ATRNL1: variants seen among roughly 807,000 people sequenced by gnomAD.
ATRNL1 encodes the protein attractin-like protein 1.
A neutral mutation model predicts 182.7 loss-of-function variants in ATRNL1; 95 were observed. The ratio of observed to expected loss-of-function variants is 0.52; its 90% CI spans 0.44 to 0.62. The LOEUF is 0.62. Among genes scored for constraint, ATRNL1 ranks in the 20% least tolerant of loss-of-function variants. The pLI is 0.00. For synonymous variants in ATRNL1, 576 were observed against 568.3 expected (o/e 1.01, Z -0.19); for missense variants, 1,471 against 1,679.5 (o/e 0.88, Z 2.17).
chr10:115,523,176 C>G (rs1274994235), intron 25 of ATRNL1, among the ~76,000 whole-genome samples: 1 of 152,188 alleles, frequency 6.6e-6, no homozygotes, highest in Non-Finnish European at 1.5e-5. Context: ...GCAGTAGGCA[C>G]AATACCTGGG....
chr10:115,924,789 T>G (rs190322680), intron 28 of ATRNL1, among the ~76,000 whole-genome samples: 57 of 152,332 alleles, frequency 3.7e-4, no homozygotes, highest in Admixed American at 8.5e-4. Context: ...TGTGAAAATG[T>G]CAATGGTAGT....
At chr10:115,451,793 A>G (rs183107614) in intron 21 of ATRNL1, among the ~76,000 whole-genome samples, 10 of 152,292 alleles carry the variant, frequency 6.6e-5, no homozygotes, top group Middle Eastern at 3.4e-3. Context: ...TCATTCTACC[A>G]TAAAGACACG....
intron 21 of ATRNL1, among the ~76,000 whole-genome samples, chr10:115,443,879 T>G (rs659351): frequency 0.37 from 56,090 of 151,894 alleles, 11,659 homozygotes; most frequent in African/African-American, 0.57. Context: ...AGCTTCTGAA[T>G]TCTCTATGCC....
chr10:115,265,141 C>T lies in ATRNL1; in HGVS notation c.1688-52C>T, dbSNP rs531564533. On this transcript the variant is annotated intron_variant, in intron 10 of 28. Transcript: ENST00000355044. ...CCAATGATGTTTTCATATTATTTGT[C>T]TTAGTTTATTCTTTTATTTCATTTT... The T allele has an allele frequency of 3.8e-5, 44 of 1,171,036 alleles. No homozygotes were observed. In the Admixed American group the frequency reaches 5.2e-4, roughly 14 times the overall value. The allele number at this position is 1,171,036 out of a possible 1,614,324, so 72.5% of individuals were successfully genotyped here.
intron 27 of ATRNL1, among the ~76,000 whole-genome samples, chr10:115,832,575 A>G (rs1321530952): frequency 6.6e-6 from 1 of 152,220 alleles, no homozygotes; most frequent in Non-Finnish European, 1.5e-5. Flanking sequence ...CATTACTTCC[A>G]GATGCTAGTA....
At chr10:115,506,496 G>A (rs936539597) in intron 24 of ATRNL1, among the ~76,000 whole-genome samples, 11 of 152,040 alleles carry the variant, frequency 7.2e-5, no homozygotes, top group Non-Finnish European at 1.3e-4. Context: ...GCTGAAGACC[G>A]TACTCTACCA....
At chr10:115,491,772 C>T (rs531626668) in intron 24 of ATRNL1, among the ~76,000 whole-genome samples, 1 of 152,116 alleles carries the variant, frequency 6.6e-6, no homozygotes, top group African/African-American at 2.4e-5. Context: ...TCCTGGCTGG[C>T]GTTCCAGGTG....
chr10:115,258,285 A>G (rs188337429), intron 10 of ATRNL1, among the ~76,000 whole-genome samples: 3 of 152,116 alleles, frequency 2.0e-5, no homozygotes, highest in Non-Finnish European at 4.4e-5. Flanking sequence ...ACATAGTCCC[A>G]TATTTCTTGG....
chr10:115,536,458 G>A (rs548161380), intron 25 of ATRNL1, among the ~76,000 whole-genome samples: 5 of 152,284 alleles, frequency 3.3e-5, no homozygotes, highest in East Asian at 1.9e-4. Context: ...TTTTAAGCCC[G>A]TCGGAAATGC....
At chr10:115,217,533 C>T (rs1258755493) in intron 9 of ATRNL1, among the ~76,000 whole-genome samples, 2 of 152,078 alleles carry the variant, frequency 1.3e-5, no homozygotes, top group Admixed American at 1.3e-4. Context: ...GATAAGAGAG[C>T]AGAATTGGAT....
At chr10:115,168,286 C>T (rs1847136669) in intron 7 of ATRNL1, among the ~76,000 whole-genome samples, 1 of 152,020 alleles carries the variant, frequency 6.6e-6, no homozygotes, top group African/African-American at 2.4e-5. Flanking sequence ...CTACTAACAA[C>T]ATTGCTGTTT....
Position 115,569,932 on chromosome 10 carries a change from G to A in ATRNL1, c.3795+20396G>A, listed in dbSNP as rs543828375. On this transcript the variant is annotated intron_variant, in intron 26 of 28. Coordinates refer to ENST00000355044, the MANE Select transcript of ATRNL1 (RefSeq NM_207303.4). ...CATCAGCAGATTTGGTGTCTGGCGAGGGGCTATTTCCTGATTCATAGATGG... is the reference window on the plus strand; with the variant it reads ...CATCAGCAGATTTGGTGTCTGGCGAAGGGCTATTTCCTGATTCATAGATGG... Among the ~76,000 whole-genome samples the A allele has an allele frequency of 3.3e-5, 5 of 152,210 alleles. No individual in the cohort carries two copies. The South Asian group carries it at 1.0e-3, about 32-fold the overall frequency.
chr10:115,575,520 T>C (rs1854647624), intron 26 of ATRNL1, among the ~76,000 whole-genome samples: 1 of 152,170 alleles, frequency 6.6e-6, no homozygotes, highest in East Asian at 1.9e-4. Context: ...TTCATTTCAT[T>C]GTTCATCACG....
intron 26 of ATRNL1, among the ~76,000 whole-genome samples, chr10:115,682,502 C>T (rs555311338): frequency 2.0e-5 from 3 of 152,256 alleles, no homozygotes; most frequent in African/African-American, 7.2e-5. Flanking sequence ...GATCGCACCA[C>T]TGCACTCCAC....
At chr10:115,834,003 T>A (rs1342152635) in intron 27 of ATRNL1, among the ~76,000 whole-genome samples, 3 of 152,206 alleles carry the variant, frequency 2.0e-5, no homozygotes, top group African/African-American at 7.2e-5. Flanking sequence ...TTTCTATGAC[T>A]GTGCTATGCT....
chr10:115,843,253 G>T (rs1950851114), intron 27 of ATRNL1, among the ~76,000 whole-genome samples: 3 of 152,012 alleles, frequency 2.0e-5, no homozygotes, highest in African/African-American at 7.2e-5. Context: ...TCCCAAAAAG[G>T]TGGCACAAGC....
At chr10:115,436,234 G>A (rs1056399037) in intron 21 of ATRNL1, among the ~76,000 whole-genome samples, 19 of 151,912 alleles carry the variant, frequency 1.3e-4, no homozygotes, top group African/African-American at 4.6e-4. Flanking sequence ...CATCATTGCA[G>A]GATAATTGAA....
chr10:115,946,545 T>C lies in ATRNL1; in HGVS notation c.*1766T>C, dbSNP rs1299229830. 2.0e-5 allele frequency: 3 copies of C among 152,172 alleles called. No homozygotes were observed. The highest frequency in any genetic ancestry group is 4.4e-5 in the Non-Finnish European group (3 of 68,018). The allele number at this position is 152,172 out of a possible 1,614,324, so 9.4% of individuals were successfully genotyped here. A position where few individuals can be genotyped will look rare whatever the true frequency, so the allele number is the denominator to read the frequency against. ...GATAATTTTGCTATTTTCCATGCAT[T>C]AAAAATAAGACAAATTCTTAGAGTA... On this transcript the variant is annotated 3_prime_UTR_variant, in exon 29 of 29. Transcript: ENST00000355044.
chr10:115,846,918 A>G (rs1167283919), intron 27 of ATRNL1, among the ~76,000 whole-genome samples: 3 of 152,218 alleles, frequency 2.0e-5, no homozygotes, highest in Middle Eastern at 3.4e-3. Flanking sequence ...TTCTCATGTT[A>G]CAGAGTTGTT....
Sources: gnomAD v4.1 joint callset for allele counts (sites outside exome capture counted in the v4.1 genomes callset) on GRCh38, gnomAD v4.1.1 for gene constraint, MANE v1.5 for transcripts, NCBI Gene and HGNC (gene_info 2026-07-23, HGNC 2026-07-21) for gene names.